The following ZNF865 variants were observed in gnomAD, a reference collection of about 807,000 sequenced individuals.
The protein encoded by ZNF865 is zinc finger protein 865.
For synonymous variants in ZNF865, 763 were observed against 750.8 expected (o/e 1.02, Z -0.27); for missense variants, 1,311 against 1,593.4 (o/e 0.82, Z 3.02).
Position 55,616,171 on chromosome 19 carries a change from G to A in ZNF865, c.2553G>A (p.Pro851=), listed in dbSNP as rs1981351702. The change falls in exon 2 of 2, where the codon CCG becomes CCA. Residue 851 remains proline (P), a synonymous_variant. Transcript: ENST00000568956. ...SHRQKRGFRC[P]VCGKRFWEAA... ...GGCAGAAGCGGGGTTTCCGCTGCCC[G>A]GTGTGCGGGAAGCGCTTCTGGGAGG... The A allele has an allele frequency of 4.6e-6, 7 of 1,514,546 alleles. No individual in the cohort carries two copies. Among genetic ancestry groups the A allele is most frequent in the Admixed American group, 4.1e-5 (2 of 48,704 alleles). The allele number at this position is 1,514,546 out of a possible 1,614,324, so 93.8% of individuals were successfully genotyped here.
chr19:55,616,171 G>C lies in ZNF865; in HGVS notation c.2553G>C (p.Pro851=). The stretch of plus-strand genomic sequence containing the variant: ...GGCAGAAGCGGGGTTTCCGCTGCCC[G>C]GTGTGCGGGAAGCGCTTCTGGGAGG... ...SHRQKRGFRC[P]VCGKRFWEAA... Residue 851 remains proline, a synonymous_variant, in exon 2 of 2, where the codon CCG becomes CCC. Coordinates refer to ENST00000568956, the MANE Select transcript of ZNF865 (RefSeq NM_001195605.2). The C allele has an allele frequency of 1.3e-6, 2 of 1,514,546 alleles. No individual in the cohort carries two copies. The highest frequency in any genetic ancestry group is 1.8e-6 in the Non-Finnish European group (2 of 1,135,176). 93.8% of individuals were successfully genotyped at this position (1,514,546 alleles called of 1,614,324 possible).
rs1568527212 is a variant in ZNF865 at position 55,616,397 on chromosome 19, G to A, written c.2779G>A (p.Ala927Thr). The A allele has an allele frequency of 6.6e-7, 1 of 1,504,446 alleles. No individual in the cohort carries two copies. Among genetic ancestry groups the A allele is most frequent in the South Asian group, 1.3e-5 (1 of 79,832 alleles). 93.2% of individuals were successfully genotyped at this position (1,504,446 alleles called of 1,614,324 possible). The change falls in exon 2 of 2, where the codon GCT becomes ACT. Residue 927 changes from alanine (A) to threonine (T), a missense_variant. Ala to Thr is a moderately conservative substitution (Grantham distance 58). Coordinates refer to ENST00000568956, the MANE Select transcript of ZNF865 (RefSeq NM_001195605.2). ...SSLAEHRRLHAVARPQRCSAC... is the reference protein window; with the variant it reads ...SSLAEHRRLHTVARPQRCSAC... ...CCTGGCAGAGCACCGGCGGCTGCACGCTGTGGCCCGGCCCCAGCGCTGCAG... is the reference window on the plus strand; with the variant it reads ...CCTGGCAGAGCACCGGCGGCTGCACACTGTGGCCCGGCCCCAGCGCTGCAG...
chr19:55,615,200 C>G lies in ZNF865; in HGVS notation c.1582C>G (p.Leu528Val). 1 of 1,426,732 alleles carries G rather than the reference C, an allele frequency of 7.0e-7. No homozygotes were observed. Among genetic ancestry groups the G allele is most frequent in the Non-Finnish European group, 9.1e-7 (1 of 1,101,866 alleles). 88.4% of individuals were successfully genotyped at this position (1,426,732 alleles called of 1,614,324 possible). ...CGTCCCGCTCCTGGGCGCCCACCCG[C>G]TGCTGCTCGGCGGCGCGGGGACCAG... Reference protein sequence around the residue: ...VPVPLLGAHPLLLGGAGTSGA... With the variant: ...VPVPLLGAHPVLLGGAGTSGA... Residue 528 changes from leucine (L) to valine (V), a missense_variant, in exon 2 of 2, where the codon CTG becomes GTG. Transcript: ENST00000568956.
At position 55,616,834 on chromosome 19, in the gene ZNF865, C is replaced by T; in HGVS notation, c.*36C>T. The stretch of plus-strand genomic sequence containing the variant: ...CCCATCCCACTCCCATCAAAAGCCC[C>T]CTTCTGGACTCCCACCTCCCAGGAC... On this transcript the variant is annotated 3_prime_UTR_variant, in exon 2 of 2. Transcript: ENST00000568956. The T allele has an allele frequency of 7.0e-7, 1 of 1,431,744 alleles. No individual in the cohort carries two copies. 88.7% of individuals were successfully genotyped at this position (1,431,744 alleles called of 1,614,324 possible). A position where few individuals can be genotyped will look rare whatever the true frequency, so the allele number is the denominator to read the frequency against.
intron 1 of ZNF865, among the ~76,000 whole-genome samples, chr19:55,608,231 G>A (rs1298323271): frequency 6.6e-6 from 1 of 151,896 alleles, no homozygotes; most frequent in Non-Finnish European, 1.5e-5. Context: ...AACAGCCAGC[G>A]CAAAGGCCCT....
rs762972236 is a variant in ZNF865 at position 55,614,975 on chromosome 19, C to T, written c.1357C>T (p.Pro453Ser). ...CDLCGKSYSA[P>S]QSLLRHKAAH... ...CCTGTGCGGCAAGTCCTACTCGGCT[C>T]CGCAGAGCCTGCTCCGCCACAAGGC... The change falls in exon 2 of 2, where the codon CCG (proline) becomes TCG (serine). Residue 453 changes from proline (P) to serine (S), a missense_variant. Coordinates refer to ENST00000568956, the MANE Select transcript of ZNF865 (RefSeq NM_001195605.2). This position sits in a 1 kb window ranked among gnomAD's most constrained non-coding sequence, Gnocchi z 8.0. 1 of 1,428,288 alleles carries T rather than the reference C, an allele frequency of 7.0e-7. No individual in the cohort carries two copies. The highest frequency in any genetic ancestry group is 1.4e-5 in the South Asian group (1 of 70,230). The allele number at this position is 1,428,288 out of a possible 1,614,324, so 88.5% of individuals were successfully genotyped here. A position where few individuals can be genotyped will look rare whatever the true frequency, so the allele number is the denominator to read the frequency against.
rs950885930 is a variant in ZNF865 at position 55,616,364 on chromosome 19, T to A, written c.2746T>A (p.Ser916Thr). Residue 916 changes from serine (S) to threonine (T), a missense_variant, in exon 2 of 2, where the codon TCG (serine) becomes ACG (threonine). Ser to Thr is a moderately conservative substitution (Grantham distance 58). Transcript: ENST00000568956. Reference sequence around the variant, plus strand: ...CGTGTGCGCCAAGCGCTTCGCGCAGTCGTCCAGCCTGGCAGAGCACCGGCG... The same window carrying A: ...CGTGTGCGCCAAGCGCTTCGCGCAGACGTCCAGCCTGGCAGAGCACCGGCG... ...CGVCAKRFAQ[S>T]SSLAEHRRLH... is the part of the protein sequence containing the mutation. 2.6e-6 allele frequency: 4 copies of A among 1,520,132 alleles called. No individual in the cohort carries two copies. In the African/African-American group the frequency reaches 4.2e-5, roughly 16 times the overall value. The allele number at this position is 1,520,132 out of a possible 1,614,324, so 94.2% of individuals were successfully genotyped here.
At position 55,615,054 on chromosome 19, in the gene ZNF865, C is replaced by T. The variant is rs2123592704; in HGVS notation, c.1436C>T (p.Ser479Leu). The T allele has an allele frequency of 1.6e-6, 2 of 1,243,190 alleles. No homozygotes were observed. Among genetic ancestry groups the T allele is most frequent in the Non-Finnish European group, 1.0e-6 (1 of 991,444 alleles). The allele number at this position is 1,243,190 out of a possible 1,614,324, so 77.0% of individuals were successfully genotyped here. ...AAEAPKDGAA[S>L]APQPPPTFPP... ...GAGGCGCCCAAGGACGGGGCGGCCT[C>T]GGCCCCGCAGCCCCCGCCCACCTTC... Residue 479 changes from serine to leucine, a missense_variant, in exon 2 of 2, where the codon TCG (serine) becomes TTG (leucine). Transcript: ENST00000568956.
rs938172109 is a variant in ZNF865 at position 55,615,948 on chromosome 19, C to T, written c.2330C>T (p.Ala777Val). The change falls in exon 2 of 2, where the codon GCG (alanine) becomes GTG (valine). Residue 777 changes from alanine (A) to valine (V), a missense_variant. Physicochemically the swap from Ala to Val is moderately conservative, Grantham distance 64. Transcript: ENST00000568956. Reference sequence around the variant, plus strand: ...GGGGGTGAGGACGCAGGCGGGGCGGCGGTGGCAGGTGCTGGCGGGGGTGCC... The same window carrying T: ...GGGGGTGAGGACGCAGGCGGGGCGGTGGTGGCAGGTGCTGGCGGGGGTGCC... ...VSGGEDAGGA[A>V]VAGAGGGASS... The T allele has an allele frequency of 4.4e-5, 67 of 1,508,962 alleles. No homozygotes were observed. Among genetic ancestry groups the T allele is most frequent in the Non-Finnish European group, 5.5e-5 (62 of 1,134,450 alleles). 93.5% of individuals were successfully genotyped at this position (1,508,962 alleles called of 1,614,324 possible). A position where few individuals can be genotyped will look rare whatever the true frequency, so the allele number is the denominator to read the frequency against.
Position 55,616,766 on chromosome 19 carries a change from G to A in ZNF865, c.3148G>A (p.Gly1050Arg), listed in dbSNP as rs1204907538. The change falls in exon 2 of 2, where the codon GGG becomes AGG. Residue 1050 changes from glycine to arginine, a missense_variant. Physicochemically the swap from Gly to Arg is moderately radical, Grantham distance 125 (BLOSUM62 -2). Coordinates refer to ENST00000568956, the MANE Select transcript of ZNF865 (RefSeq NM_001195605.2). ...CGAGAACCTCGGGGGGCCTGGAGCA[G>A]GGGCGGGCACCTTGGCCGGGAAGGA... ...KAENLGGPGA[G>R]AGTLAGKDA The A allele has an allele frequency of 6.9e-7, 1 of 1,458,906 alleles. No homozygotes were observed. The highest frequency in any genetic ancestry group is 9.0e-7 in the Non-Finnish European group (1 of 1,111,396). The allele number at this position is 1,458,906 out of a possible 1,614,324, so 90.4% of individuals were successfully genotyped here. A position where few individuals can be genotyped will look rare whatever the true frequency, so the allele number is the denominator to read the frequency against.
chr19:55,613,933 G>A lies in ZNF865; in HGVS notation c.315G>A (p.Ser105=), dbSNP rs773413431. Residue 105 remains serine, a synonymous_variant, in exon 2 of 2, where the codon TCG becomes TCA. Transcript: ENST00000568956. ...CCTCGTCCTCCTCCTCCTCCTCTTCGTCCTCCTCGTCGTCATCTTCGTCCT... is the reference window on the plus strand; with the variant it reads ...CCTCGTCCTCCTCCTCCTCCTCTTCATCCTCCTCGTCGTCATCTTCGTCCT... The part of the protein sequence containing the change: ...SSSSSSSSSS[S]SSSSSSSSSS... 3 of 1,529,680 alleles carry A rather than the reference G, an allele frequency of 2.0e-6. No homozygotes were observed. The highest frequency in any genetic ancestry group is 1.8e-6 in the Non-Finnish European group (2 of 1,142,716). 94.8% of individuals were successfully genotyped at this position (1,529,680 alleles called of 1,614,324 possible). A position where few individuals can be genotyped will look rare whatever the true frequency, so the allele number is the denominator to read the frequency against.
Position 55,614,879 on chromosome 19 carries a change from T to C in ZNF865, c.1261T>C (p.Tyr421His). 6.6e-7 allele frequency: 1 copy of C among 1,510,106 alleles called. No homozygotes were observed. Among genetic ancestry groups the C allele is most frequent in the Non-Finnish European group, 8.8e-7 (1 of 1,133,212 alleles). The allele number at this position is 1,510,106 out of a possible 1,614,324, so 93.5% of individuals were successfully genotyped here. ...ICGKAFRDASYLLKHQAAHAG... is the reference protein window; with the variant it reads ...ICGKAFRDASHLLKHQAAHAG... ...CGGGAAGGCCTTCCGCGACGCCTCCTACCTCCTCAAGCACCAGGCGGCCCA... is the reference window on the plus strand; with the variant it reads ...CGGGAAGGCCTTCCGCGACGCCTCCCACCTCCTCAAGCACCAGGCGGCCCA... The change falls in exon 2 of 2, where the codon TAC (tyrosine) becomes CAC (histidine). Residue 421 changes from tyrosine (Y) to histidine (H), a missense_variant. Transcript: ENST00000568956. This position sits in a 1 kb window ranked among gnomAD's most constrained non-coding sequence, Gnocchi z 8.0.
In ZNF865 at chr19:55,614,540, G is replaced by GCCC; in HGVS notation, c.925_927dup (p.Pro309dup). On this transcript the variant is annotated inframe_insertion, in exon 2 of 2. Transcript: ENST00000568956. The surrounding 1 kb of genome is among the most constrained non-coding windows in gnomAD (Gnocchi z 8.0). ...CGCTGCCAGCGCCGCCACCGCCGCC[G>GCCC]CCCCCTCCACGGTGTCCTCGGGCCC... The GCCC allele has an allele frequency of 1.5e-6, 2 of 1,369,780 alleles. No individual in the cohort carries two copies. Among genetic ancestry groups the GCCC allele is most frequent in the Non-Finnish European group, 1.9e-6 (2 of 1,070,156 alleles). 84.9% of individuals were successfully genotyped at this position (1,369,780 alleles called of 1,614,324 possible).
At chr19:55,613,488 G>C in intron 1 of ZNF865, 105 bp from the exon 2 acceptor site, 2 of 1,087,196 alleles carry the variant, frequency 1.8e-6, no homozygotes, top group East Asian at 5.6e-5. Context: ...TGGAAGGCTA[G>C]GGGGTGATCC....
At chr19:55,606,080 C>A (rs1003306005) in intron 1 of ZNF865, among the ~76,000 whole-genome samples, 3 of 152,128 alleles carry the variant, frequency 2.0e-5, no homozygotes, top group Non-Finnish European at 4.4e-5. Context: ...TCAGCATTGC[C>A]CCTCCCCATG....
chr19:55,616,843 C>A lies in ZNF865; in HGVS notation c.*45C>A. ...CTCCCATCAAAAGCCCCCTTCTGGA[C>A]TCCCACCTCCCAGGACTGATCAGAC... is the stretch of plus-strand genomic sequence containing the variant. On this transcript the variant is annotated 3_prime_UTR_variant, in exon 2 of 2. Coordinates refer to ENST00000568956, the MANE Select transcript of ZNF865 (RefSeq NM_001195605.2). 2.1e-6 allele frequency: 3 copies of A among 1,427,754 alleles called. No individual in the cohort carries two copies. The highest frequency in any genetic ancestry group is 2.7e-6 in the Non-Finnish European group (3 of 1,093,870). 88.4% of individuals were successfully genotyped at this position (1,427,754 alleles called of 1,614,324 possible). A position where few individuals can be genotyped will look rare whatever the true frequency, so the allele number is the denominator to read the frequency against.
At chr19:55,608,038 A>T (rs1981003292) in intron 1 of ZNF865, among the ~76,000 whole-genome samples, 1 of 152,244 alleles carries the variant, frequency 6.6e-6, no homozygotes. Context: ...ATGTGAGGTT[A>T]TAAATGATGC....
chr19:55,613,411 G>T (rs969047624), intron 1 of ZNF865, among the ~76,000 whole-genome samples, 182 bp from the exon 2 acceptor site: 2 of 152,150 alleles, frequency 1.3e-5, no homozygotes, highest in African/African-American at 2.4e-5. Flanking sequence ...AGAGTCCTGG[G>T]GCCAGGGAGC....
Position 55,614,258 on chromosome 19 carries a change from C to G in ZNF865, c.640C>G (p.Arg214Gly), listed in dbSNP as rs1425941063. The G allele has an allele frequency of 1.3e-6, 2 of 1,515,906 alleles. No homozygotes were observed. The highest frequency in any genetic ancestry group is 1.4e-5 in the African/African-American group (1 of 70,542). 93.9% of individuals were successfully genotyped at this position (1,515,906 alleles called of 1,614,324 possible). Residue 214 changes from arginine to glycine, a missense_variant, in exon 2 of 2, where the codon CGG (arginine) becomes GGG (glycine). Coordinates refer to ENST00000568956, the MANE Select transcript of ZNF865 (RefSeq NM_001195605.2). This position sits in a 1 kb window ranked among gnomAD's most constrained non-coding sequence, Gnocchi z 8.0. ...DPTKDDKGYF[R>G]RLKYLMERRF... ...CACCAAGGACGACAAGGGCTACTTC[C>G]GGAGACTGAAGTACCTGATGGAGCG...
Sources: gnomAD v4.1 joint callset for allele counts (sites outside exome capture counted in the v4.1 genomes callset) on GRCh38, gnomAD v4.1.1 for gene constraint, Gnocchi (gnomAD v3.1) non-coding constraint, MANE v1.5 for transcripts, NCBI Gene and HGNC (gene_info 2026-07-23, HGNC 2026-07-21) for gene names.